ANO7: variants seen among roughly 807,000 people sequenced by gnomAD.
ANO7 encodes anoctamin-7.
Under a neutral mutation model 115.8 loss-of-function variants are expected in ANO7, and 114 were observed. The observed-to-expected ratio is 0.98, with a 90% CI of 0.85 to 1.15. The LOEUF (loss-of-function observed/expected upper bound fraction) is 1.15, where lower values mean the gene tolerates loss of function less well. ANO7 is among the 50% of genes most tolerant of loss of function. The pLI is 0.00. For missense variants in ANO7, 1,302 were observed against 1,201.2 expected, an observed-to-expected ratio of 1.08 and a Z score of -1.24; for synonymous variants, 550 against 498.2, an observed-to-expected ratio of 1.10 and a Z score of -1.38.
intron 4 of ANO7, among the ~76,000 whole-genome samples, chr2:241,197,624 CT>C (rs2068375414): frequency 6.6e-6 from 1 of 151,138 alleles, no homozygotes; most frequent in South Asian, 2.1e-4. Context: ...AGCAATCTGC[CT>C]GCCTTAGCCT....
chr2:241,190,608 C>T (rs559619477), intron 2 of ANO7, among the ~76,000 whole-genome samples: 3 of 152,376 alleles, frequency 2.0e-5, no homozygotes, highest in Non-Finnish European at 2.9e-5. Flanking sequence ...CAAGGCCATG[C>T]GGGAGGCCCT....
At chr2:241,211,180 A>G (rs2068711369) in intron 15 of ANO7, among the ~76,000 whole-genome samples, 1 of 152,118 alleles carries the variant, frequency 6.6e-6, no homozygotes, top group African/African-American at 2.4e-5. Context: ...TCACCCCTCC[A>G]CAGGGCCCCC....
chr2:241,234,034 C>T, the ANO7 span: 10 of 1,561,660 alleles, frequency 6.4e-6, no homozygotes, highest in South Asian at 1.1e-4. Flanking sequence ...TCCCCTTCCA[C>T]CCTGGTCATA....
intron 21 of ANO7, 132 bp downstream of exon 21, chr2:241,218,513 GGGA>G: frequency 1.3e-6 from 1 of 785,500 alleles, no homozygotes; most frequent in Non-Finnish European, 1.7e-6. Context: ...GGGGGAGGGG[GGGA>G]GCTGGGGGCG....
the ANO7 span, chr2:241,236,474 C>T: frequency 3.5e-4 from 281 of 813,596 alleles, 1 homozygote; most frequent in Middle Eastern, 1.8e-3. Context: ...ACAGCCCGTG[C>T]GCACACGGTA....
In ANO7 at chr2:241,204,924, G is replaced by T. The variant is rs1338015930; in HGVS notation, c.949G>T (p.Gly317Cys). ...AVVGTLVFLV[G>C]CFLVFSDIPT... ...GGTGGGCACACTGGTGTTCCTGGTG[G>T]GCTGCTTCCTGGTGTTCTCAGACAT... The change falls in exon 10 of 25, where the codon GGC (glycine) becomes TGC (cysteine). Residue 317 changes from glycine (G) to cysteine (C), a missense_variant. Coordinates refer to ENST00000674324, the MANE Select transcript of ANO7 (RefSeq NM_001370694.2). 7 of 1,613,960 alleles carry T rather than the reference G, an allele frequency of 4.3e-6. No homozygotes were observed. Among genetic ancestry groups the T allele is most frequent in the Non-Finnish European group, 5.9e-6 (7 of 1,180,002 alleles).
At chr2:241,191,044 C>T (rs1052166121) in intron 2 of ANO7, 150 bp from the exon 3 acceptor site, 9 of 889,196 alleles carry the variant, frequency 1.0e-5, no homozygotes, top group South Asian at 3.1e-5. Context: ...CCTACCCACC[C>T]GCCGAACATT....
chr2:241,224,080 CCCAA>C lies in ANO7; in HGVS notation c.2584-14_2584-11del. 2 of 1,614,072 alleles carry C rather than the reference CCCAA, an allele frequency of 1.2e-6. No individual in the cohort carries two copies. Among genetic ancestry groups the C allele is most frequent in the Non-Finnish European group, 1.7e-6 (2 of 1,179,976 alleles). On this transcript the variant is annotated splice_polypyrimidine_tract_variant and intron_variant, in intron 24 of 24. Transcript: ENST00000674324. ...GGCCCTAGTCTGACTTGTCCCTGCC[CCCAA>C]CCCTCTCCCCAGCTCAGCTCCCACT...
rs1284184444 is a variant in ANO7 at position 241,199,397 on chromosome 2, G to A, written c.391G>A (p.Asp131Asn). The A allele has an allele frequency of 6.2e-7, 1 of 1,613,726 alleles. No homozygotes were observed. Among genetic ancestry groups the A allele is most frequent in the African/African-American group, 1.3e-5 (1 of 74,946 alleles). Reference sequence around the variant, plus strand: ...GGCTGTGCTCTGCTACTACGCCGAAGACCTGCGCCTGAAGCTGCCCTTGCA... The same window carrying A: ...GGCTGTGCTCTGCTACTACGCCGAAAACCTGCGCCTGAAGCTGCCCTTGCA... ...SWAVLCYYAEDLRLKLPLQEL... is the reference protein window; with the variant it reads ...SWAVLCYYAENLRLKLPLQEL... The change falls in exon 5 of 25, where the codon GAC becomes AAC. Residue 131 changes from aspartate (D) to asparagine (N), a missense_variant. By Grantham distance (23) the Asp-to-Asn change is conservative. Coordinates refer to ENST00000674324, the MANE Select transcript of ANO7 (RefSeq NM_001370694.2).
chr2:241,200,726 G>A (rs979971950), intron 6 of ANO7, among the ~76,000 whole-genome samples: 2 of 152,262 alleles, frequency 1.3e-5, no homozygotes, highest in Admixed American at 1.3e-4. Flanking sequence ...GAAGTGGCAG[G>A]GACCACTGTC....
At position 241,223,789 on chromosome 2, in the gene ANO7, G is replaced by A; in HGVS notation, c.2532+8G>A. 6.2e-7 allele frequency: 1 copy of A among 1,614,202 alleles called. No homozygotes were observed. Among genetic ancestry groups the A allele is most frequent in the Non-Finnish European group, 8.5e-7 (1 of 1,180,024 alleles). Reference sequence around the variant, plus strand: ...GCACTGGCTGAGAATGAGGTGAACTGTACAGCCCAGTCTCGGCCCTCCCCC... The same window carrying A: ...GCACTGGCTGAGAATGAGGTGAACTATACAGCCCAGTCTCGGCCCTCCCCC... On this transcript the variant is annotated splice_region_variant and intron_variant, in intron 23 of 24. Coordinates refer to ENST00000674324, the MANE Select transcript of ANO7 (RefSeq NM_001370694.2).
chr2:241,211,365 C>G (rs1226485839), intron 15 of ANO7, among the ~76,000 whole-genome samples: 2 of 152,180 alleles, frequency 1.3e-5, no homozygotes, highest in Non-Finnish European at 2.9e-5. Context: ...AGGACAAACA[C>G]TTACGACCAA....
chr2:241,225,592 C>A lies in ANO7; in HGVS notation c.*1439C>A, dbSNP rs978324594. ...TTTGATGAGTACTGCCAAACTTACT[C>A]CACAGAAAAGGCCTCTTTCTGAACA... On this transcript the variant is annotated 3_prime_UTR_variant, in exon 25 of 25. Transcript: ENST00000674324. Among the ~76,000 whole-genome samples, 4 of 152,216 alleles carry A rather than the reference C, an allele frequency of 2.6e-5. No homozygotes were observed. The highest frequency in any genetic ancestry group is 9.6e-5 in the African/African-American group (4 of 41,454).
intron 21 of ANO7, among the ~76,000 whole-genome samples, chr2:241,220,710 G>C (rs932841083): frequency 1.3e-5 from 2 of 152,248 alleles, no homozygotes; most frequent in African/African-American, 4.8e-5. Context: ...TGAGGCGGGA[G>C]AATGGCGTGA....
intron 9 of ANO7, among the ~76,000 whole-genome samples, 172 bp from the exon 10 acceptor site, chr2:241,204,693 G>A (rs895226334): frequency 4.6e-5 from 7 of 152,140 alleles, no homozygotes; most frequent in East Asian, 1.9e-4. Context: ...AGGGTGGGCC[G>A]TGCCAGAGCT....
chr2:241,231,947 G>A, the ANO7 span, among the ~76,000 whole-genome samples: 3 of 149,704 alleles, frequency 2.0e-5, no homozygotes, highest in Admixed American at 6.7e-5. Flanking sequence ...ATCACAACAC[G>A]GAACCATCAT....
the ANO7 span, chr2:241,236,006 C>T: frequency 1.5e-5 from 3 of 196,068 alleles, no homozygotes; most frequent in South Asian, 2.3e-4. Context: ...CTAATGCCCA[C>T]GAGGTGCCAC....
chr2:241,191,624 C>T (rs1490036944), intron 3 of ANO7, among the ~76,000 whole-genome samples: 2 of 152,144 alleles, frequency 1.3e-5, no homozygotes, highest in Non-Finnish European at 2.9e-5. Flanking sequence ...TTGATCCACC[C>T]CCAACCCACT....
rs745909935 is a variant in ANO7 at position 241,207,582 on chromosome 2, T to A, written c.989T>A (p.Leu330Gln). The change falls in exon 11 of 25, where the codon CTG (leucine) becomes CAG (glutamine). Residue 330 changes from leucine (L) to glutamine (Q), a missense_variant. Physicochemically the swap from Leu to Gln is moderately radical, Grantham distance 113. Transcript: ENST00000674324. ...CGCTCCATGCCTTGCAGGCAGGAAC[T>A]GTGTGGCAGCAAGGACAGCTTCGAG... ...LVFSDIPTQE[L>Q]CGSKDSFEMC... 5 of 1,613,502 alleles carry A rather than the reference T, an allele frequency of 3.1e-6. No homozygotes were observed. The highest frequency in any genetic ancestry group is 4.2e-6 in the Non-Finnish European group (5 of 1,179,894).
Sources: gnomAD v4.1 joint callset for allele counts (sites outside exome capture counted in the v4.1 genomes callset) on GRCh38, gnomAD v4.1.1 for gene constraint, MANE v1.5 for transcripts, NCBI Gene and HGNC (gene_info 2026-07-23, HGNC 2026-07-21) for gene names.